MYOM3: variants seen among roughly 807,000 people sequenced by gnomAD.
The protein encoded by MYOM3 is myomesin-3.
A neutral mutation model predicts 191.7 loss-of-function variants in MYOM3; 155 were observed. The ratio of observed to expected loss-of-function variants is 0.81; its 90% CI spans 0.71 to 0.92. MYOM3 has a LOEUF of 0.92. Among genes scored for constraint, MYOM3 ranks in the 40% least tolerant of loss-of-function variants. MYOM3 has a pLI of 0.00. For missense variants in MYOM3, 1,889 were observed against 1,890.6 expected (o/e 1.00, Z 0.02); for synonymous variants, 757 against 762.9 (o/e 0.99, Z 0.13).
chr1:24,081,204 C>A (rs1307067129), intron 19 of MYOM3, 126 bp downstream of exon 19: 7 of 1,244,886 alleles, frequency 5.6e-6, no homozygotes, highest in South Asian at 1.5e-5. Flanking sequence ...GGGCCAGGGG[C>A]CTGGGGTGCA....
chr1:24,099,721 TCGGTATTTTCCGGCACGAAAGAGG>T lies in MYOM3; in HGVS notation c.591_614del (p.Leu198_Arg205del). On this transcript the variant is annotated inframe_deletion, in exon 6 of 37. Coordinates refer to ENST00000374434, the MANE Select transcript of MYOM3 (RefSeq NM_152372.4). Reference sequence around the variant, plus strand: ...ACAGCAGCCCGTAGTTGTTGGTGATTCGGTATTTTCCGGCACGAAAGAGGCGGGGATCAATCCGTGTGTCATTTT... The same window carrying T: ...ACAGCAGCCCGTAGTTGTTGGTGATTCGGGGATCAATCCGTGTGTCATTTT... 1 of 1,614,072 alleles carries T rather than the reference TCGGTATTTTCCGGCACGAAAGAGG, an allele frequency of 6.2e-7. No individual in the cohort carries two copies.
intron 2 of MYOM3, 126 bp from the exon 3 acceptor site, chr1:24,108,199 T>C (rs1178166641): frequency 1.1e-6 from 1 of 893,400 alleles, no homozygotes; most frequent in East Asian, 2.7e-5. Flanking sequence ...TCCCTCCTCA[T>C]ACTGGGGTCT....
At chr1:24,099,840 C>T (rs964769682) in intron 5 of MYOM3, 65 bp from the exon 6 acceptor site, 4 of 1,148,396 alleles carry the variant, frequency 3.5e-6, no homozygotes, top group East Asian at 4.7e-5. Context: ...TGGAGCCTCT[C>T]GGATGGGGAT....
chr1:24,098,778 C>T (rs1643892028), intron 6 of MYOM3, among the ~76,000 whole-genome samples: 1 of 152,156 alleles, frequency 6.6e-6, no homozygotes, highest in South Asian at 2.1e-4. Flanking sequence ...ATTTATGTCT[C>T]CCCACTTCTG....
chr1:24,089,767 C>T, intron 13 of MYOM3, 102 bp from the exon 14 acceptor site: 1 of 1,359,822 alleles, frequency 7.4e-7, no homozygotes, highest in Non-Finnish European at 9.9e-7. Flanking sequence ...CCTACCCATC[C>T]CCCAGAGAGG....
intron 6 of MYOM3, among the ~76,000 whole-genome samples, chr1:24,098,906 T>C (rs1192660707): frequency 6.6e-6 from 1 of 152,208 alleles, no homozygotes; most frequent in Non-Finnish European, 1.5e-5. Flanking sequence ...CACCAGGCCC[T>C]GTCGCATAGT....
intron 29 of MYOM3, 84 bp from the exon 30 acceptor site, chr1:24,064,243 G>A: frequency 9.9e-7 from 1 of 1,007,728 alleles, no homozygotes; most frequent in Non-Finnish European, 1.5e-6. Flanking sequence ...CTGGGCTCCA[G>A]GCCTGCCCCT....
intron 17 of MYOM3, 110 bp downstream of exon 17, chr1:24,082,483 C>G: frequency 7.3e-7 from 1 of 1,373,786 alleles, no homozygotes; most frequent in Non-Finnish European, 9.6e-7. Context: ...CCTCAGAGGG[C>G]GTATGTGCCA....
At chr1:24,108,335 C>A (rs139574951) in intron 2 of MYOM3, 141 bp downstream of exon 2, 63 of 984,100 alleles carry the variant, frequency 6.4e-5, no homozygotes, top group Non-Finnish European at 8.6e-5. Context: ...TGTCTCCCCC[C>A]TCAGACAGGG....
In MYOM3 at chr1:24,067,995, C is replaced by G. The variant is rs1461212225; in HGVS notation, c.3330G>C (p.Lys1110Asn). The change falls in exon 27 of 37, where the codon AAG becomes AAC. Residue 1110 changes from lysine to asparagine, a missense_variant. Transcript: ENST00000374434. ...FDKLLRKADA[K>N]RRDWKRKQGP... ...CCTGTTTTCTCTTCCAGTCCCTTCTCTTAGCATCTGCCTTCCTCAGAAGCT... is the reference window on the plus strand; with the variant it reads ...CCTGTTTTCTCTTCCAGTCCCTTCTGTTAGCATCTGCCTTCCTCAGAAGCT... 6.2e-7 allele frequency: 1 copy of G among 1,614,242 alleles called. No homozygotes were observed. The highest frequency in any genetic ancestry group is 1.3e-5 in the African/African-American group (1 of 75,064).
At chr1:24,062,792 T>A (rs1051446801) in intron 32 of MYOM3, among the ~76,000 whole-genome samples, 11 of 152,118 alleles carry the variant, frequency 7.2e-5, no homozygotes, top group Non-Finnish European at 1.5e-4. Context: ...TGCATCCCTT[T>A]CTCCCCCAGT....
chr1:24,079,894 C>T (rs949532671), intron 20 of MYOM3, 122 bp downstream of exon 20: 6 of 968,074 alleles, frequency 6.2e-6, no homozygotes, highest in Non-Finnish European at 9.0e-6. Flanking sequence ...AATCGCTCTT[C>T]CTCTCTGGTC....
At position 24,111,013 on chromosome 1, in the gene MYOM3, G is replaced by C. The variant is rs375586251; in HGVS notation, c.-19+1018C>G. Among the ~76,000 whole-genome samples the C allele has an allele frequency of 2.0e-5, 3 of 152,354 alleles. No homozygotes were observed. In the South Asian group the frequency reaches 6.2e-4, roughly 32 times the overall value. On this transcript the variant is annotated intron_variant, in intron 1 of 36. Transcript: ENST00000374434. The surrounding 1 kb of genome is among the most constrained non-coding windows in gnomAD (Gnocchi z 4.7). ...CACAGCAGGCAGGGGCCTGGCGCTC[G>C]TCCCTGACCTCGGGGCCTCCAGCAA...
At chr1:24,075,512 A>C in intron 21 of MYOM3, 37 bp from the exon 22 acceptor site, 1 of 1,526,384 alleles carries the variant, frequency 6.6e-7, no homozygotes. Context: ...GCGGATGTTT[A>C]TGCATAATAA....
chr1:24,066,815 C>T (rs1643440722), intron 28 of MYOM3: 14 of 546,074 alleles, frequency 2.6e-5, no homozygotes, highest in African/African-American at 3.8e-5. Context: ...CCACCTCACA[C>T]GAATCCTACC....
chr1:24,103,620 C>T (rs1232671664), intron 5 of MYOM3, among the ~76,000 whole-genome samples: 1 of 152,170 alleles, frequency 6.6e-6, no homozygotes, highest in East Asian at 1.9e-4. Context: ...TGGCTAGTGA[C>T]CCTTATCTCT....
At chr1:24,069,913 A>G (rs1486632658) in intron 25 of MYOM3, among the ~76,000 whole-genome samples, 1 of 150,242 alleles carries the variant, frequency 6.7e-6, no homozygotes, top group Non-Finnish European at 1.5e-5. Context: ...CCCAGCCACA[A>G]CACGTATTTT....
At chr1:24,094,772 G>A (rs1039769685) in intron 9 of MYOM3, 81 bp downstream of exon 9, 52 of 1,399,620 alleles carry the variant, frequency 3.7e-5, no homozygotes, top group African/African-American at 1.3e-4. Context: ...GTCTCTGTCC[G>A]CTAGGGGTCC....
chr1:24,089,942 A>G, intron 13 of MYOM3, 123 bp downstream of exon 13: 1 of 998,892 alleles, frequency 1.0e-6, no homozygotes, highest in South Asian at 1.5e-5. Flanking sequence ...GCCTCCAACT[A>G]GGCCCCACCT....
Sources: gnomAD v4.1 joint callset for allele counts (sites outside exome capture counted in the v4.1 genomes callset) on GRCh38, gnomAD v4.1.1 for gene constraint, Gnocchi (gnomAD v3.1) non-coding constraint, MANE v1.5 for transcripts, NCBI Gene and HGNC (gene_info 2026-07-23, HGNC 2026-07-21) for gene names.